The following NETO2 variants were observed in gnomAD, a reference collection of about 807,000 sequenced individuals.
The protein encoded by NETO2 is neuropilin and tolloid-like protein 2.
A neutral mutation model predicts 62.5 loss-of-function variants in NETO2; 28 were observed. The observed-to-expected ratio is 0.45, with a 90% CI of 0.33 to 0.61. The LOEUF is 0.61. NETO2 is among the 20% of genes least tolerant of loss of function. NETO2 has a pLI of 0.02. For synonymous variants in NETO2, 214 were observed against 219.1 expected (o/e 0.98, Z 0.21); for missense variants, 548 against 643.2 (o/e 0.85, Z 1.60).
chr16:47,131,811 AACT>A (rs1307113785), intron 2 of NETO2, among the ~76,000 whole-genome samples, 155 bp downstream of exon 2: 4 of 152,212 alleles, frequency 2.6e-5, no homozygotes, highest in Non-Finnish European at 5.9e-5. Flanking sequence ...ACTGCAGCTA[AACT>A]CAGTTAAATT....
chr16:47,134,157 C>T (rs1352925158), intron 1 of NETO2, among the ~76,000 whole-genome samples: 4 of 152,142 alleles, frequency 2.6e-5, no homozygotes, highest in East Asian at 3.8e-4. Context: ...CTCAATAGCA[C>T]GTACTGGGTG....
chr16:47,123,820 C>T (rs1446901293), intron 4 of NETO2, among the ~76,000 whole-genome samples: 1 of 152,194 alleles, frequency 6.6e-6, no homozygotes, highest in East Asian at 1.9e-4. Flanking sequence ...GCCTCAGCCT[C>T]CCGAGTAGCT....
rs1158297957 is a variant in NETO2, at chr16:47,122,869, T to C, written c.525A>G (p.Pro175=). The part of the protein sequence containing the change: ...TYLGGILNPI[P]DCQFELSGAD... Reference sequence around the variant, plus strand: ...GGAACAAGTGGTAATATACTAAACCTGGAATGGGATTTAAAATACCTCCTA... The same window carrying C: ...GGAACAAGTGGTAATATACTAAACCCGGAATGGGATTTAAAATACCTCCTA... The change falls in exon 5 of 9, where the codon CCA becomes CCG. Residue 175 remains proline, a splice_region_variant and synonymous_variant. Coordinates refer to ENST00000562435, the MANE Select transcript of NETO2 (RefSeq NM_018092.5). 2 of 1,613,972 alleles carry C rather than the reference T, an allele frequency of 1.2e-6. No individual in the cohort carries two copies. Among genetic ancestry groups the C allele is most frequent in the African/African-American group, 1.3e-5 (1 of 75,044 alleles).
chr16:47,098,413 G>A (rs920033092), intron 7 of NETO2, among the ~76,000 whole-genome samples: 1 of 152,120 alleles, frequency 6.6e-6, no homozygotes, highest in African/African-American at 2.4e-5. Flanking sequence ...GGATCAAGTG[G>A]AAGAAAGGAT....
At chr16:47,084,918 C>A (rs1215282789) in intron 8 of NETO2, among the ~76,000 whole-genome samples, 1 of 152,070 alleles carries the variant, frequency 6.6e-6, no homozygotes, top group Non-Finnish European at 1.5e-5. Flanking sequence ...TAATAAAGTG[C>A]CCAATAAATG....
intron 7 of NETO2, among the ~76,000 whole-genome samples, chr16:47,097,995 C>T (rs946018320): frequency 2.6e-5 from 4 of 152,102 alleles, no homozygotes; most frequent in Non-Finnish European, 2.9e-5. Context: ...ATAAAATGGG[C>T]GTCCACACAT....
rs1567403169 is a variant in NETO2 at position 47,140,211 on chromosome 16, G to C, written c.34+3368C>G. ...TTTTTTCAAGTGCTTCCTCACAAAA[G>C]TTCCTCTGAAGTTTGGAAACCATTG... On this transcript the variant is annotated intron_variant, in intron 1 of 8. Transcript: ENST00000562435. Among the ~76,000 whole-genome samples the C allele has an allele frequency of 2.0e-5, 3 of 152,134 alleles. No homozygotes were observed. In the East Asian group the frequency reaches 5.8e-4, roughly 29 times the overall value.
At position 47,128,413 on chromosome 16, in the gene NETO2, T is replaced by C. The variant is rs781699946; in HGVS notation, c.393A>G (p.Arg131=). 6.2e-7 allele frequency: 1 copy of C among 1,613,946 alleles called. No homozygotes were observed. The highest frequency in any genetic ancestry group is 2.2e-5 in the East Asian group (1 of 44,876). The change falls in exon 4 of 9, where the codon AGA becomes AGG. Residue 131 remains arginine, a synonymous_variant. Transcript: ENST00000562435. ...TAATCCACATGAATCTCCCTGTTGA[T>C]CTAATTAATGGAGGGCTTTTCACGC... ...YCGVKSPPLI[R]STGRFMWIKF... is the part of the protein sequence containing the mutation.
At chr16:47,090,979 T>C (rs1275233223) in intron 7 of NETO2, among the ~76,000 whole-genome samples, 1 of 152,214 alleles carries the variant, frequency 6.6e-6, no homozygotes, top group Non-Finnish European at 1.5e-5. Flanking sequence ...ATTGTTTCCA[T>C]GGGTGAAATT....
chr16:47,083,914 C>T (rs1963127546), intron 8 of NETO2, 113 bp from the exon 9 acceptor site: 4 of 706,774 alleles, frequency 5.7e-6, no homozygotes, highest in Middle Eastern at 3.5e-4. Flanking sequence ...AAATATACTA[C>T]AGACAATGCA....
intron 6 of NETO2, among the ~76,000 whole-genome samples, chr16:47,119,949 C>A (rs1314303474): frequency 6.6e-6 from 1 of 152,102 alleles, no homozygotes; most frequent in Admixed American, 6.5e-5. Flanking sequence ...GTAGAGAATG[C>A]CTATTTTCTG....
intron 1 of NETO2, among the ~76,000 whole-genome samples, chr16:47,140,552 A>G (rs1352980010): frequency 6.6e-6 from 1 of 152,252 alleles, no homozygotes; most frequent in Non-Finnish European, 1.5e-5. Context: ...TAATTTCAAA[A>G]TGAAAGATAA....
chr16:47,080,789 ATAAC>A lies in NETO2; in HGVS notation c.*2428_*2431del, dbSNP rs1459651287. 3.9e-5 allele frequency: 6 copies of A among 152,236 alleles called. No homozygotes were observed. Among genetic ancestry groups the A allele is most frequent in the African/African-American group, 1.4e-4 (6 of 41,462 alleles). The allele number at this position is 152,236 out of a possible 1,614,324, so 9.4% of individuals were successfully genotyped here. Reference sequence around the variant, plus strand: ...CTTCACTGGGTTAAGAAGCACCATTATAACCTCTGTCTCCATTTTGCATCTTTTT... The same window carrying A: ...CTTCACTGGGTTAAGAAGCACCATTACTCTGTCTCCATTTTGCATCTTTTT... On this transcript the variant is annotated 3_prime_UTR_variant, in exon 9 of 9. Transcript: ENST00000562435.
chr16:47,098,470 A>T (rs1040941260), intron 7 of NETO2, among the ~76,000 whole-genome samples: 1 of 152,190 alleles, frequency 6.6e-6, no homozygotes, highest in Non-Finnish European at 1.5e-5. Flanking sequence ...GGAAGACAAA[A>T]TTAGAGAAAA....
At chr16:47,093,167 G>C (rs1183340749) in intron 7 of NETO2, among the ~76,000 whole-genome samples, 1 of 152,080 alleles carries the variant, frequency 6.6e-6, no homozygotes, top group Non-Finnish European at 1.5e-5. Context: ...TTTTCAAAGG[G>C]CTTCATCCAG....
intron 6 of NETO2, among the ~76,000 whole-genome samples, chr16:47,122,125 T>G (rs1277380343): frequency 6.6e-6 from 1 of 152,216 alleles, no homozygotes; most frequent in African/African-American, 2.4e-5. Flanking sequence ...TGCAAAAGTA[T>G]CCAATCTCAA....
intron 1 of NETO2, among the ~76,000 whole-genome samples, chr16:47,140,229 AACCATTGGATTAG>A (rs1964435098): frequency 6.6e-6 from 1 of 152,038 alleles, no homozygotes; most frequent in Non-Finnish European, 1.5e-5. Flanking sequence ...GAAGTTTGGA[AACCATTGGATTAG>A]ACCACCTCTT....
intron 7 of NETO2, among the ~76,000 whole-genome samples, chr16:47,102,868 G>A (rs1285322115): frequency 2.6e-5 from 4 of 152,266 alleles, no homozygotes; most frequent in South Asian, 2.1e-4. Context: ...TTCAACCATC[G>A]TAGAAGAGTA....
intron 7 of NETO2, among the ~76,000 whole-genome samples, chr16:47,091,077 T>C (rs190275649): frequency 2.6e-5 from 4 of 152,340 alleles, no homozygotes; most frequent in East Asian, 1.9e-4. Context: ...AATTTACTAA[T>C]TGGAGCTCTG....
Sources: gnomAD v4.1 joint callset for allele counts (sites outside exome capture counted in the v4.1 genomes callset) on GRCh38, gnomAD v4.1.1 for gene constraint, MANE v1.5 for transcripts, NCBI Gene and HGNC (gene_info 2026-07-23, HGNC 2026-07-21) for gene names.